PDE2A: variants seen among roughly 807,000 people sequenced by gnomAD.
PDE2A encodes the protein phosphodiesterase 2A, also known as cGMP-dependent 3',5'-cyclic phosphodiesterase.
Under a neutral mutation model 133.6 loss-of-function variants are expected in PDE2A, and 53 were observed. The ratio of observed to expected loss-of-function variants is 0.40; its 90% CI spans 0.32 to 0.50. The LOEUF is 0.50. Ranked by LOEUF, PDE2A falls within the 20% of genes least tolerant of loss-of-function variation. The probability of loss-of-function intolerance (pLI) is 0.73; values close to 1 mark genes in which losing one functional copy is unlikely to be tolerated. For synonymous variants in PDE2A, 491 were observed against 490.2 expected, an observed-to-expected ratio of 1.00 and a Z score of -0.02; for missense variants, 796 against 1,232.4, an observed-to-expected ratio of 0.65 and a Z score of 5.30.
intron 1 of PDE2A, among the ~76,000 whole-genome samples, chr11:72,655,700 G>T (rs1349324210): frequency 6.6e-6 from 1 of 152,096 alleles, no homozygotes; most frequent in East Asian, 1.9e-4. Flanking sequence ...AGTGATGAAT[G>T]AGATGATACA....
chr11:72,583,349 T>A, intron 20 of PDE2A, 89 bp downstream of exon 20: 2 of 921,538 alleles, frequency 2.2e-6, no homozygotes, highest in Non-Finnish European at 3.6e-6. Context: ...TATCCTCTCA[T>A]CCTCAGTAGA....
chr11:72,605,139 G>A lies in PDE2A; in HGVS notation c.322C>T (p.Arg108Trp), dbSNP rs747088501. ...ATGGGGGTGCAGAGAATGGCTCACCGGACTTTCCCCTCCTGGGGCAGCTCA... is the reference window on the plus strand; with the variant it reads ...ATGGGGGTGCAGAGAATGGCTCACCAGACTTTCCCCTCCTGGGGCAGCTCA... Reference protein sequence around the residue: ...PHELPQEGKVREAIISQKRLG... With the variant: ...PHELPQEGKVWEAIISQKRLG... Residue 108 changes from arginine (R) to tryptophan (W), a missense_variant and splice_region_variant, in exon 4 of 31, where the codon CGG (arginine) becomes TGG (tryptophan). By Grantham distance (101) the Arg-to-Trp change is moderately radical. This residue lies in a region of PDE2A where 417 missense variants were observed against 475.3 expected (regional missense o/e 0.88). Coordinates refer to ENST00000334456, the MANE Select transcript of PDE2A (RefSeq NM_002599.5). 24 of 1,602,310 alleles carry A rather than the reference G, an allele frequency of 1.5e-5. No homozygotes were observed. The highest frequency in any genetic ancestry group is 2.0e-5 in the Non-Finnish European group (23 of 1,171,584).
chr11:72,650,653 A>G (rs1046179152), intron 1 of PDE2A, among the ~76,000 whole-genome samples: 17 of 151,858 alleles, frequency 1.1e-4, no homozygotes, highest in Admixed American at 6.5e-5. Flanking sequence ...TAGGAGTCCC[A>G]TGGAGATGCC....
chr11:72,624,637 C>T (rs896280857), intron 2 of PDE2A, among the ~76,000 whole-genome samples: 1 of 152,242 alleles, frequency 6.6e-6, no homozygotes. Flanking sequence ...ATTTGATTCT[C>T]ATGGAGACAC....
chr11:72,588,942 G>C (rs199605334), intron 12 of PDE2A, 28 bp from the exon 13 acceptor site: 3 of 1,587,848 alleles, frequency 1.9e-6, no homozygotes, highest in African/African-American at 1.3e-5. Context: ...GTCAGGGCAG[G>C]GAAGCAGGGC....
chr11:72,578,279 C>T lies in PDE2A; in HGVS notation c.2569G>A (p.Glu857Lys). The T allele has an allele frequency of 6.2e-7, 1 of 1,613,942 alleles. No homozygotes were observed. Among genetic ancestry groups the T allele is most frequent in the South Asian group, 1.1e-5 (1 of 91,080 alleles). The change falls in exon 30 of 31, where the codon GAG (glutamate) becomes AAG (lysine). Residue 857 changes from glutamate (E) to lysine (K), a missense_variant. This residue lies in a region of PDE2A where 28 missense variants were observed against 86.0 expected (regional missense o/e 0.33). Coordinates refer to ENST00000334456, the MANE Select transcript of PDE2A (RefSeq NM_002599.5). This position sits in a 1 kb window ranked among gnomAD's most constrained non-coding sequence, Gnocchi z 4.2. Reference protein sequence around the residue: ...MMDREKAYIPELQISFMEHIA... With the variant: ...MMDREKAYIPKLQISFMEHIA... Reference sequence around the variant, plus strand: ...TGCTCCATGAAGCTGATTTGCAGCTCAGGGATATAGGCCTTCTCCCGGTCC... The same window carrying T: ...TGCTCCATGAAGCTGATTTGCAGCTTAGGGATATAGGCCTTCTCCCGGTCC...
chr11:72,598,621 G>A, intron 4 of PDE2A: 1 of 1,289,138 alleles, frequency 7.8e-7, no homozygotes, highest in East Asian at 5.5e-5. Flanking sequence ...GGACAGAAGA[G>A]AAACTTGGGG....
intron 1 of PDE2A, among the ~76,000 whole-genome samples, chr11:72,669,931 C>A (rs1855346140): frequency 1.3e-5 from 2 of 152,162 alleles, no homozygotes; most frequent in African/African-American, 4.8e-5. Context: ...TGCAAACTTA[C>A]AATAATGCCT....
intron 2 of PDE2A, chr11:72,615,240 G>A (rs538886280): frequency 2.7e-4 from 87 of 317,510 alleles, no homozygotes; most frequent in African/African-American, 1.4e-3. Flanking sequence ...CCGGCCTCTC[G>A]CCCTTCCCAA....
chr11:72,640,457 C>T (rs1858906532), intron 2 of PDE2A, among the ~76,000 whole-genome samples: 1 of 152,056 alleles, frequency 6.6e-6, no homozygotes, highest in African/African-American at 2.4e-5. Flanking sequence ...ACTGGCTCCT[C>T]ACCTCAGACC....
In PDE2A at chr11:72,656,078, G is replaced by A. The variant is rs192134672; in HGVS notation, c.72-13752C>T. 8.5e-5 allele frequency among the ~76,000 whole-genome samples: 13 copies of A among 152,284 alleles called. No homozygotes were observed. In the East Asian group the frequency reaches 2.5e-3, roughly 29 times the overall value. ...GCATCCGGAGAGGAATGGGAGGGAG[G>A]TTGAGCTGCAGAGCCATCCATCAAG... On this transcript the variant is annotated intron_variant, in intron 1 of 30. Coordinates refer to ENST00000334456, the MANE Select transcript of PDE2A (RefSeq NM_002599.5).
intron 21 of PDE2A, 180 bp downstream of exon 21, chr11:72,582,264 G>C: frequency 4.6e-6 from 3 of 658,644 alleles, no homozygotes; most frequent in Non-Finnish European, 7.7e-6. Context: ...CCAGCCTCTA[G>C]CCCCTGGGCA....
At chr11:72,666,940 T>C (rs921157607) in intron 1 of PDE2A, among the ~76,000 whole-genome samples, 2 of 152,096 alleles carry the variant, frequency 1.3e-5, no homozygotes, top group Admixed American at 1.3e-4. Flanking sequence ...ACCCCATCTC[T>C]ACTAAAAATA....
At chr11:72,668,342 C>G (rs777423347) in intron 1 of PDE2A, 2 of 718,650 alleles carry the variant, frequency 2.8e-6, no homozygotes, top group Admixed American at 2.0e-5. Flanking sequence ...GTTTCTTCAT[C>G]CAGAAAACAG....
At chr11:72,625,318 G>T (rs752446224) in intron 2 of PDE2A, among the ~76,000 whole-genome samples, 8 of 152,206 alleles carry the variant, frequency 5.3e-5, no homozygotes, top group Non-Finnish European at 1.0e-4. Flanking sequence ...TCCGGGCCTC[G>T]CCCCAGCCCC....
At chr11:72,583,367 C>T (rs1855808348) in intron 20 of PDE2A, 71 bp downstream of exon 20, 6 of 1,061,390 alleles carry the variant, frequency 5.7e-6, no homozygotes, top group African/African-American at 3.1e-5. Flanking sequence ...AGAGATTGAT[C>T]AGGAAGCCCT....
At chr11:72,671,658 C>T (rs1303622729) in intron 1 of PDE2A, among the ~76,000 whole-genome samples, 2 of 152,108 alleles carry the variant, frequency 1.3e-5, no homozygotes, top group Non-Finnish European at 2.9e-5. Context: ...ACAATTAACC[C>T]TCACTGAGCT....
chr11:72,588,890 T>G lies in PDE2A; in HGVS notation c.964A>C (p.Met322Leu). 6.2e-7 allele frequency: 1 copy of G among 1,608,506 alleles called. No homozygotes were observed. The highest frequency in any genetic ancestry group is 8.5e-7 in the Non-Finnish European group (1 of 1,175,964). Residue 322 changes from methionine to leucine, a missense_variant, in exon 13 of 31, where the codon ATG (methionine) becomes CTG (leucine). By Grantham distance (15) the Met-to-Leu change is conservative. Around this residue, in one of 7 missense-constraint regions of PDE2A, gnomAD observed 417 missense variants for 475.3 expected, o/e 0.88. Coordinates refer to ENST00000334456, the MANE Select transcript of PDE2A (RefSeq NM_002599.5). ...ATGGCCTGCAGCTCACAGCCCAACA[T>G]GCTCTGCAGCTGTTGTACATCCTCC... ...TSEDVQQLQS[M>L]LGCELQAMLC...
At chr11:72,644,066 G>A (rs1298699678) in intron 1 of PDE2A, among the ~76,000 whole-genome samples, 3 of 152,002 alleles carry the variant, frequency 2.0e-5, no homozygotes, top group Non-Finnish European at 4.4e-5. Flanking sequence ...TCACCTCCAG[G>A]CCTTTGCCCA....
Sources: gnomAD v4.1 joint callset for allele counts (sites outside exome capture counted in the v4.1 genomes callset) on GRCh38, gnomAD v4.1.1 for gene constraint, gnomAD v4.1.1 regional missense constraint, Gnocchi (gnomAD v3.1) non-coding constraint, MANE v1.5 for transcripts, NCBI Gene and HGNC (gene_info 2026-07-23, HGNC 2026-07-21) for gene names.